The following RNLS variants were observed in gnomAD, a reference collection of about 807,000 sequenced individuals.
The protein encoded by RNLS is renalase.
In RNLS, 39 loss-of-function variants were observed where a neutral mutation model predicts 39.8. The observed-to-expected ratio is 0.98, with a 90% CI of 0.76 to 1.28. RNLS has a LOEUF of 1.28. RNLS is among the 50% of genes most tolerant of loss of function. The pLI is 0.00. For missense variants in RNLS, 410 were observed against 413.3 expected (o/e 0.99, Z 0.07); for synonymous variants, 147 against 150.7 (o/e 0.98, Z 0.18).
chr10:88,304,666 T>G (rs903277397), intron 6 of RNLS, among the ~76,000 whole-genome samples: 1 of 152,058 alleles, frequency 6.6e-6, no homozygotes, highest in Non-Finnish European at 1.5e-5. Flanking sequence ...AGGAGTGAAC[T>G]AAACCTCCAA....
the RNLS span, among the ~76,000 whole-genome samples, chr10:88,233,467 G>A: frequency 6.6e-6 from 1 of 152,184 alleles, no homozygotes; most frequent in Non-Finnish European, 1.5e-5. Flanking sequence ...TTTTGTTGGT[G>A]GAAATCTCTT....
chr10:88,245,631 TTTTTC>T, the RNLS span, among the ~76,000 whole-genome samples: 2 of 152,140 alleles, frequency 1.3e-5, no homozygotes, highest in South Asian at 2.1e-4. Flanking sequence ...TTTTCTTTTC[TTTTTC>T]TTTTCATTTT....
At chr10:88,266,573 A>G in the RNLS span, among the ~76,000 whole-genome samples, 1 of 152,156 alleles carries the variant, frequency 6.6e-6, no homozygotes, top group Admixed American at 6.5e-5. Flanking sequence ...CCAAGCCAAC[A>G]GTCTAGAAGT....
chr10:88,235,104 A>C, the RNLS span, among the ~76,000 whole-genome samples: 3 of 151,912 alleles, frequency 2.0e-5, no homozygotes, highest in Admixed American at 1.3e-4. Context: ...TACTAAAAAT[A>C]CAAAAAAATT....
At chr10:88,345,549 T>C (rs12569922) in intron 5 of RNLS, among the ~76,000 whole-genome samples, 20,680 of 152,202 alleles carry the variant, frequency 0.14, 1,579 homozygotes, top group East Asian at 0.34. Flanking sequence ...TTCTCTCTTC[T>C]GTCTCTCAAA....
intron 4 of RNLS, among the ~76,000 whole-genome samples, chr10:88,393,509 A>G (rs1017370005): frequency 6.6e-6 from 1 of 152,248 alleles, no homozygotes; most frequent in African/African-American, 2.4e-5. Flanking sequence ...CTCTTCAAGG[A>G]GAACTACAAA....
At chr10:88,263,889 T>C in the RNLS span, among the ~76,000 whole-genome samples, 4 of 152,144 alleles carry the variant, frequency 2.6e-5, no homozygotes, top group African/African-American at 9.7e-5. Context: ...AGCTCTATAG[T>C]GGTGATTTCT....
intron 4 of RNLS, among the ~76,000 whole-genome samples, chr10:88,396,717 A>C (rs907617687): frequency 6.0e-5 from 9 of 150,992 alleles, no homozygotes; most frequent in African/African-American, 2.2e-4. Context: ...AAAAAAAAAA[A>C]ACCTGATCCA....
At chr10:88,434,991 G>A (rs1226789340) in intron 4 of RNLS, among the ~76,000 whole-genome samples, 1 of 151,866 alleles carries the variant, frequency 6.6e-6, no homozygotes, top group Non-Finnish European at 1.5e-5. Flanking sequence ...ATCAGATGAA[G>A]ACTAAGACTG....
intron 4 of RNLS, among the ~76,000 whole-genome samples, chr10:88,554,860 T>C (rs1848777330): frequency 6.6e-6 from 1 of 152,112 alleles, no homozygotes; most frequent in Admixed American, 6.6e-5. Context: ...GTATCCTATC[T>C]TAAAAATACA....
At chr10:88,251,181 CT>C in the RNLS span, among the ~76,000 whole-genome samples, 1 of 152,156 alleles carries the variant, frequency 6.6e-6, no homozygotes, top group African/African-American at 2.4e-5. Context: ...ATGCCTCTAA[CT>C]TAAAAAATCT....
chr10:88,495,292 G>A (rs536037808), intron 4 of RNLS, among the ~76,000 whole-genome samples: 1 of 152,110 alleles, frequency 6.6e-6, no homozygotes, highest in Non-Finnish European at 1.5e-5. Context: ...ACACACAGAT[G>A]TTGATATGAC....
chr10:88,583,071 A>C lies in RNLS; in HGVS notation c.118+2T>G. 2 of 1,610,916 alleles carry C rather than the reference A, an allele frequency of 1.2e-6. No homozygotes were observed. Among genetic ancestry groups the C allele is most frequent in the East Asian group, 2.2e-5 (1 of 44,682 alleles). ...CCAGGTTTTGGCGTTTAGACAACCC[A>C]CCTGAGTCCTCAGCCTTGTCCCACA... On this transcript the variant is annotated splice_donor_variant, in intron 1 of 6. Transcript: ENST00000331772. LOFTEE classifies it high-confidence loss of function.
At chr10:88,238,525 C>T in the RNLS span, among the ~76,000 whole-genome samples, 5 of 152,332 alleles carry the variant, frequency 3.3e-5, no homozygotes, top group East Asian at 3.9e-4. Context: ...AAAGCAAGCA[C>T]GGTTCCTTTT....
At chr10:88,266,673 G>A in the RNLS span, among the ~76,000 whole-genome samples, 3 of 145,608 alleles carry the variant, frequency 2.1e-5, no homozygotes, top group South Asian at 4.3e-4. Flanking sequence ...CTACTTCCAA[G>A]GCAATCTCTT....
At chr10:88,282,421 T>C (rs530326772), downstream of RNLS, among the ~76,000 whole-genome samples, 2 of 151,404 alleles carry the variant, frequency 1.3e-5, no homozygotes, top group African/African-American at 4.9e-5. Context: ...TAAATGTAAA[T>C]AAGAATTCTC....
chr10:88,449,141 A>G (rs1842217006), intron 4 of RNLS, among the ~76,000 whole-genome samples: 4 of 152,232 alleles, frequency 2.6e-5, no homozygotes. Flanking sequence ...TAGAACTTAA[A>G]GTATAATAAT....
At chr10:88,573,161 T>C in intron 3 of RNLS, 100 bp from the exon 4 acceptor site, 2 of 1,101,362 alleles carry the variant, frequency 1.8e-6, no homozygotes, top group Non-Finnish European at 2.6e-6. Flanking sequence ...GTGAACAAAA[T>C]GGCCAAGACT....
chr10:88,231,477 T>C, the RNLS span, among the ~76,000 whole-genome samples: 1 of 152,146 alleles, frequency 6.6e-6, no homozygotes, highest in Admixed American at 6.5e-5. Context: ...GTTATGGCAG[T>C]CCTTGGAAAC....
Sources: allele counts gnomAD v4.1 joint callset (sites outside exome capture counted in the v4.1 genomes callset), GRCh38; gene constraint gnomAD v4.1.1; transcripts MANE v1.5; gene names NCBI Gene and HGNC (gene_info 2026-07-23, HGNC 2026-07-21).